Variants in ITGA3 observed in about 807,000 individuals in gnomAD.
ITGA3 encodes the protein integrin alpha-3.
Under a neutral mutation model 131.1 loss-of-function variants are expected in ITGA3, and 70 were observed. That is an observed-to-expected ratio of 0.53 (90% CI 0.44 to 0.65). The LOEUF (loss-of-function observed/expected upper bound fraction) is 0.65. Ranked by LOEUF, ITGA3 falls within the 30% of genes least tolerant of loss-of-function variation. The probability of loss-of-function intolerance (pLI) is 0.00; values close to 1 mark genes in which losing one functional copy is unlikely to be tolerated. For synonymous variants in ITGA3, 537 were observed against 571.6 expected, an observed-to-expected ratio of 0.94 and a Z score of 0.86; for missense variants, 1,098 against 1,388.6, an observed-to-expected ratio of 0.79 and a Z score of 3.33.
rs1908205263 is a variant in ITGA3 at position 50,063,943 on chromosome 17, G to C, written c.207-134G>C. ...TCCTTGCCTGCCTTACCCTACACTGGGCACTTCTGGAGGGCAGGAGCTGGG... is the reference window on the plus strand; with the variant it reads ...TCCTTGCCTGCCTTACCCTACACTGCGCACTTCTGGAGGGCAGGAGCTGGG... On this transcript the variant is annotated intron_variant, in intron 1 of 25. Coordinates refer to ENST00000320031, the MANE Select transcript of ITGA3 (RefSeq NM_002204.4). The C allele has an allele frequency of 2.4e-6, 3 of 1,243,870 alleles. No individual in the cohort carries two copies. The Admixed American group carries it at 6.7e-5, about 28-fold the overall frequency. 77.1% of individuals were successfully genotyped at this position (1,243,870 alleles called of 1,614,324 possible).
At chr17:50,065,921 T>G (rs1476173078) in intron 3 of ITGA3, 6 of 151,210 alleles carry the variant, frequency 4.0e-5, no homozygotes, top group African/African-American at 1.5e-4. Context: ...TTGTCCCAGT[T>G]ACTTGGGAGG....
intron 18 of ITGA3, 36 bp from the exon 19 acceptor site, chr17:50,078,788 T>C (rs765858701): frequency 7.5e-7 from 1 of 1,325,222 alleles, no homozygotes; most frequent in South Asian, 1.2e-5. Context: ...CCTGGTCTCT[T>C]GTCCCCCGTG....
intron 7 of ITGA3, 137 bp downstream of exon 7, chr17:50,072,319 C>T (rs1908670320): frequency 1.3e-6 from 1 of 749,362 alleles, no homozygotes; most frequent in Non-Finnish European, 2.2e-6. Flanking sequence ...ACCTGGGGAG[C>T]TCGCAGCAGT....
rs750640979 is a variant in ITGA3, at chr17:50,075,651, C to G, written c.1590C>G (p.Arg530=). The G allele has an allele frequency of 1.1e-5, 17 of 1,614,112 alleles. No homozygotes were observed. The highest frequency in any genetic ancestry group is 1.4e-5 in the Non-Finnish European group (16 of 1,180,054). The change falls in exon 12 of 26, where the codon CGC becomes CGG. Residue 530 remains arginine, a synonymous_variant. Coordinates refer to ENST00000320031, the MANE Select transcript of ITGA3 (RefSeq NM_002204.4). ...GGGACCGCCGGCCGCCCCGGCTCCG[C>G]TTTGCCGGCAGTGAGTCCGCTGTCT... ...ADRDRRPPRL[R]FAGSESAVFH...
intron 22 of ITGA3, chr17:50,081,108 G>T: frequency 1.8e-6 from 1 of 557,104 alleles, no homozygotes; most frequent in East Asian, 3.0e-5. Flanking sequence ...ATCCAGCACA[G>T]GACCTGACGC....
Position 50,078,134 on chromosome 17 carries a change from C to T in ITGA3, c.2219+9C>T. 1.2e-6 allele frequency: 2 copies of T among 1,613,418 alleles called. No individual in the cohort carries two copies. Among genetic ancestry groups the T allele is most frequent in the South Asian group, 1.1e-5 (1 of 91,072 alleles). On this transcript the variant is annotated intron_variant, in intron 17 of 25. Coordinates refer to ENST00000320031, the MANE Select transcript of ITGA3 (RefSeq NM_002204.4). Reference sequence around the variant, plus strand: ...CAGCTGCAGCTCTCCACGTGAGTGACCTCGAAAAGCCAGTCTGGGTCAGGG... The same window carrying T: ...CAGCTGCAGCTCTCCACGTGAGTGATCTCGAAAAGCCAGTCTGGGTCAGGG...
In ITGA3 at chr17:50,087,350, C is replaced by G. The variant is rs116696283; in HGVS notation, c.2920-394C>G. On this transcript the variant is annotated intron_variant, in intron 23 of 25. Coordinates refer to ENST00000320031, the MANE Select transcript of ITGA3 (RefSeq NM_002204.4). Reference sequence around the variant, plus strand: ...TGGCTCCAGAACCCCTGCTTTTGGTCGTTCTGCTATTCTATGAGGTAGTCA... The same window carrying G: ...TGGCTCCAGAACCCCTGCTTTTGGTGGTTCTGCTATTCTATGAGGTAGTCA... The G allele has an allele frequency of 1.4e-3, 232 of 166,852 alleles. 1 individual carries two copies. Among genetic ancestry groups the G allele is most frequent in the African/African-American group, 5.1e-3 (216 of 42,186 alleles). 10.3% of individuals were successfully genotyped at this position (166,852 alleles called of 1,614,324 possible).
chr17:50,087,896 C>A lies in ITGA3; in HGVS notation c.3045+27C>A, dbSNP rs183014764. On this transcript the variant is annotated intron_variant, in intron 24 of 25. Coordinates refer to ENST00000320031, the MANE Select transcript of ITGA3 (RefSeq NM_002204.4). ...TTAGTAGCCCAGCCCACTCCTGCTC[C>A]GGGACCTCCACCAGCACACTCACCA... 4.6e-5 allele frequency: 71 copies of A among 1,535,050 alleles called. No individual in the cohort carries two copies. The East Asian group carries it at 1.6e-3, about 35-fold the overall frequency.
intron 23 of ITGA3, among the ~76,000 whole-genome samples, chr17:50,085,838 A>AC (rs1567705932): frequency 1.4e-5 from 1 of 69,030 alleles, no homozygotes; most frequent in African/African-American, 4.0e-5. Flanking sequence ...TAGATTATAC[A>AC]TTATAGATTT....
chr17:50,085,010 C>T (rs868180342), intron 23 of ITGA3, among the ~76,000 whole-genome samples: 24 of 151,754 alleles, frequency 1.6e-4, no homozygotes, highest in Non-Finnish European at 2.4e-4. Flanking sequence ...GTCAGGAGTT[C>T]GAGACCAGCC....
Position 50,064,708 on chromosome 17 carries a change from CGT to C in ITGA3, c.414+107_414+108del, listed in dbSNP as rs1314363215. On this transcript the variant is annotated intron_variant, in intron 3 of 25. Transcript: ENST00000320031. This position sits in a 1 kb window ranked among gnomAD's most constrained non-coding sequence, Gnocchi z 4.4. Reference sequence around the variant, plus strand: ...GAGGGCAGCAGGGGGGTCCACGGCGCGTGTGTGCTGGGGCCTGCACACATGTC... The same window carrying C: ...GAGGGCAGCAGGGGGGTCCACGGCGCGTGTGCTGGGGCCTGCACACATGTC... 1.1e-6 allele frequency: 1 copy of C among 947,970 alleles called. No homozygotes were observed. The highest frequency in any genetic ancestry group is 2.5e-5 in the East Asian group (1 of 39,418). 58.7% of individuals were successfully genotyped at this position (947,970 alleles called of 1,614,324 possible).
In ITGA3 at chr17:50,075,187, C is replaced by G. The variant is rs545926746; in HGVS notation, c.1470-272C>G. Among the ~76,000 whole-genome samples, 123 of 152,308 alleles carry G rather than the reference C, an allele frequency of 8.1e-4. 1 individual carries two copies. The South Asian group carries it at 0.023, about 28-fold the overall frequency. Reference sequence around the variant, plus strand: ...ACCTAGGTTCAAGACTGGGCTGGGCCACCAACTGACTGAGGACTTCAGACA... The same window carrying G: ...ACCTAGGTTCAAGACTGGGCTGGGCGACCAACTGACTGAGGACTTCAGACA... On this transcript the variant is annotated intron_variant, in intron 10 of 25. Transcript: ENST00000320031.
Position 50,079,109 on chromosome 17 carries a change from G to A in ITGA3, c.2434G>A (p.Gly812Arg), listed in dbSNP as rs1387451037. The A allele has an allele frequency of 6.2e-7, 1 of 1,613,810 alleles. No individual in the cohort carries two copies. The highest frequency in any genetic ancestry group is 2.2e-5 in the East Asian group (1 of 44,862). The part of the protein sequence containing the change: ...GPMGEGLVGL[G>R]TLVLGLEWPY... Reference sequence around the variant, plus strand: ...AATGGGGGAGGGGCTGGTGGGCCTGGGGACCCTGGTCCTAGGTCTGGAGTG... The same window carrying A: ...AATGGGGGAGGGGCTGGTGGGCCTGAGGACCCTGGTCCTAGGTCTGGAGTG... The change falls in exon 20 of 26, where the codon GGG (glycine) becomes AGG (arginine). Residue 812 changes from glycine to arginine, a missense_variant. Transcript: ENST00000320031.
At position 50,078,896 on chromosome 17, in the gene ITGA3, T is replaced by A. The variant is rs1909047766; in HGVS notation, c.2370T>A (p.Asp790Glu). Residue 790 changes from aspartate to glutamate, a missense_variant, in exon 19 of 26, where the codon GAT becomes GAA. Physicochemically the swap from Asp to Glu is conservative, Grantham distance 45 (BLOSUM62 2). Coordinates refer to ENST00000320031, the MANE Select transcript of ITGA3 (RefSeq NM_002204.4). Reference sequence around the variant, plus strand: ...AGTCTGGCATGAAAACTGTGGAGGATGTAGGAAGCCCCCTCAAGTATGAAT... The same window carrying A: ...AGTCTGGCATGAAAACTGTGGAGGAAGTAGGAAGCCCCCTCAAGTATGAAT... Reference protein sequence around the residue: ...MGESGMKTVEDVGSPLKYEFQ... With the variant: ...MGESGMKTVEEVGSPLKYEFQ... 6.2e-7 allele frequency: 1 copy of A among 1,612,108 alleles called. No individual in the cohort carries two copies. Among genetic ancestry groups the A allele is most frequent in the African/African-American group, 1.3e-5 (1 of 74,798 alleles).
chr17:50,087,057 A>C (rs1909483185), intron 23 of ITGA3: 1 of 147,982 alleles, frequency 6.8e-6, no homozygotes, highest in Non-Finnish European at 1.5e-5. Context: ...GTCTCCAAAA[A>C]ATAAAATAAA....
intron 22 of ITGA3, 88 bp downstream of exon 22, chr17:50,080,463 G>GGGGTGTGTGTGT (rs878979814): frequency 2.0e-6 from 1 of 504,784 alleles, no homozygotes; most frequent in Non-Finnish European, 3.5e-6. Context: ...TCATAGCATG[G>GGGGTGTGTGTGT]GTGTGTGTGT....
At chr17:50,083,210 G>C (rs1316694169) in intron 23 of ITGA3, among the ~76,000 whole-genome samples, 1 of 152,030 alleles carries the variant, frequency 6.6e-6, no homozygotes, top group Non-Finnish European at 1.5e-5. Context: ...GGAAAATAAA[G>C]ACAAACCTCT....
In ITGA3 at chr17:50,056,453, C is replaced by G; in HGVS notation, c.14C>G (p.Pro5Arg). ...CCGCTGGCAGCCATGGGCCCCGGCCCCAGCCGCGCGCCCCGCGCCCCACGC... is the reference window on the plus strand; with the variant it reads ...CCGCTGGCAGCCATGGGCCCCGGCCGCAGCCGCGCGCCCCGCGCCCCACGC... MGPGPSRAPRAPRLM... is the reference protein window; with the variant it reads MGPGRSRAPRAPRLM... Residue 5 changes from proline (P) to arginine (R), a missense_variant, in exon 1 of 26, where the codon CCC becomes CGC. Physicochemically the swap from Pro to Arg is moderately radical, Grantham distance 103. This residue lies in a region of ITGA3 where 43 missense variants were observed against 30.3 expected (regional missense o/e 1.42). Coordinates refer to ENST00000320031, the MANE Select transcript of ITGA3 (RefSeq NM_002204.4). This position sits in a 1 kb window ranked among gnomAD's most constrained non-coding sequence, Gnocchi z 5.6. 6.5e-7 allele frequency: 1 copy of G among 1,534,442 alleles called. No homozygotes were observed.
chr17:50,058,339 T>C (rs1288281377), intron 1 of ITGA3, among the ~76,000 whole-genome samples: 2 of 152,178 alleles, frequency 1.3e-5, no homozygotes, highest in African/African-American at 4.8e-5. Context: ...TACCTGAACC[T>C]GAATTTCCGC....
Sources: allele counts gnomAD v4.1 joint callset (sites outside exome capture counted in the v4.1 genomes callset), GRCh38; gene constraint gnomAD v4.1.1; regional missense constraint gnomAD v4.1.1; non-coding constraint Gnocchi (gnomAD v3.1); transcripts MANE v1.5; gene names NCBI Gene and HGNC (gene_info 2026-07-23, HGNC 2026-07-21).